Variants in PRUNE1 observed in about 807,000 individuals in gnomAD.
PRUNE1 encodes exopolyphosphatase PRUNE1.
Under a neutral mutation model 42.5 loss-of-function variants are expected in PRUNE1, and 25 were observed. That is an observed-to-expected ratio of 0.59 (90% CI 0.43 to 0.82). The LOEUF (loss-of-function observed/expected upper bound fraction) is 0.82, where lower values mean the gene tolerates loss of function less well. Ranked by LOEUF, PRUNE1 falls within the 40% of genes least tolerant of loss-of-function variation. The probability of loss-of-function intolerance (pLI) is 0.00; values close to 1 mark genes in which losing one functional copy is unlikely to be tolerated. For synonymous variants in PRUNE1, 203 were observed against 217.1 expected (o/e 0.93, Z 0.57); for missense variants, 443 against 539.3 (o/e 0.82, Z 1.77).
At chr1:151,025,280 A>G (rs1674757300) in intron 4 of PRUNE1, among the ~76,000 whole-genome samples, 1 of 152,172 alleles carries the variant, frequency 6.6e-6, no homozygotes, top group African/African-American at 2.4e-5. Flanking sequence ...AAAATCTCCA[A>G]GGTTTGAGAT....
At chr1:151,012,208 G>A (rs1673812967) in intron 1 of PRUNE1, among the ~76,000 whole-genome samples, 2 of 152,126 alleles carry the variant, frequency 1.3e-5, no homozygotes, top group Admixed American at 1.3e-4. Flanking sequence ...TATTTTCCCT[G>A]AACTCTTTCT....
Position 151,028,911 on chromosome 1 carries a change from T to C in PRUNE1, c.900T>C (p.Ala300=), listed in dbSNP as rs757615081. 1 of 1,613,892 alleles carries C rather than the reference T, an allele frequency of 6.2e-7. No individual in the cohort carries two copies. Among genetic ancestry groups the C allele is most frequent in the Non-Finnish European group, 8.5e-7 (1 of 1,179,790 alleles). ...ACAATGAGCCAGTGCGGCAGTTGGC[T>C]ATTTTCTGTCCCCATGTGGCACTCC... ...NTHNEPVRQL[A]IFCPHVALQT... The change falls in exon 7 of 8, where the codon GCT becomes GCC. Residue 300 remains alanine (A), a synonymous_variant. Coordinates refer to ENST00000271620, the MANE Select transcript of PRUNE1 (RefSeq NM_021222.3).
At chr1:151,027,047 A>G (rs1256605583) in intron 5 of PRUNE1, among the ~76,000 whole-genome samples, 186 bp from the exon 6 acceptor site, 2 of 151,628 alleles carry the variant, frequency 1.3e-5, no homozygotes, top group African/African-American at 2.4e-5. Flanking sequence ...CAGCCTCCCA[A>G]AGTGCTGGGA....
chr1:151,017,563 G>A lies in PRUNE1; in HGVS notation c.40-249G>A, dbSNP rs150825721. 9.2e-5 allele frequency among the ~76,000 whole-genome samples: 14 copies of A among 151,880 alleles called. No individual in the cohort carries two copies. In the South Asian group the frequency reaches 1.2e-3, roughly 14 times the overall value. On this transcript the variant is annotated intron_variant, in intron 1 of 7. Transcript: ENST00000271620. ...AGCCTGTGCAACATGGCAAAATCCCGTCTCTACAAAAAAATACAAAAAATT... is the reference window on the plus strand; with the variant it reads ...AGCCTGTGCAACATGGCAAAATCCCATCTCTACAAAAAAATACAAAAAATT...
chr1:151,015,411 G>A (rs183892275), intron 1 of PRUNE1, among the ~76,000 whole-genome samples: 6 of 149,468 alleles, frequency 4.0e-5, no homozygotes, highest in South Asian at 2.1e-4. Flanking sequence ...TGAGGCGGGC[G>A]GATCACGAGG....
At chr1:151,009,420 C>G (rs1673603008) in intron 1 of PRUNE1, among the ~76,000 whole-genome samples, 1 of 152,128 alleles carries the variant, frequency 6.6e-6, no homozygotes, top group African/African-American at 2.4e-5. Context: ...TGCTTTGTGG[C>G]TTATTTTTGG....
intron 6 of PRUNE1, among the ~76,000 whole-genome samples, chr1:151,027,725 G>A (rs1674945155): frequency 6.6e-6 from 1 of 150,802 alleles, no homozygotes; most frequent in African/African-American, 2.4e-5. Flanking sequence ...GGGTCCACAG[G>A]TGCACACCAC....
intron 3 of PRUNE1, among the ~76,000 whole-genome samples, chr1:151,021,059 A>C (rs1237064824): frequency 1.3e-5 from 2 of 151,466 alleles, no homozygotes; most frequent in Non-Finnish European, 2.9e-5. Flanking sequence ...AGGCAGGAGA[A>C]TCGCTTGAAC....
rs587656245 is a variant in PRUNE1, at chr1:151,020,242, AT to A, written c.335+1574del. 3.4e-3 allele frequency among the ~76,000 whole-genome samples: 507 copies of A among 148,894 alleles called. 2 individuals are homozygous for A. The highest frequency in any genetic ancestry group is 7.5e-3 in the South Asian group (35 of 4,684). On this transcript the variant is annotated intron_variant, in intron 3 of 7. Coordinates refer to ENST00000271620, the MANE Select transcript of PRUNE1 (RefSeq NM_021222.3). ...GCGAGACCCTGTTCTCTAAAAAAAA[AT>A]AATAAATACAAAAATCTATAAACAT... is the stretch of plus-strand genomic sequence containing the variant.
intron 7 of PRUNE1, among the ~76,000 whole-genome samples, chr1:151,029,695 CAA>C (rs1256355402): frequency 6.6e-6 from 1 of 150,756 alleles, no homozygotes; most frequent in African/African-American, 2.4e-5. Context: ...CCAGCCTGGG[CAA>C]AGATAGCAAG....
chr1:151,021,101 C>T (rs1245049235), intron 3 of PRUNE1, among the ~76,000 whole-genome samples: 24 of 145,006 alleles, frequency 1.7e-4, no homozygotes, highest in African/African-American at 5.7e-4. Context: ...GAGCCAAGAT[C>T]GCGCCACTGC....
At chr1:151,026,887 T>C (rs921926685) in intron 5 of PRUNE1, among the ~76,000 whole-genome samples, 6 of 148,476 alleles carry the variant, frequency 4.0e-5, no homozygotes, top group Admixed American at 2.7e-4. Context: ...CAGGTTCAAG[T>C]GATTCTCCTG....
intron 3 of PRUNE1, chr1:151,022,596 T>G (rs1379779659): frequency 6.6e-6 from 1 of 150,550 alleles, no homozygotes; most frequent in African/African-American, 2.4e-5. Context: ...AATTTTTGTA[T>G]TTTTAGTAGA....
intron 3 of PRUNE1, 26 bp from the exon 4 acceptor site, chr1:151,024,585 C>CT: frequency 6.4e-7 from 1 of 1,572,880 alleles, no homozygotes; most frequent in East Asian, 2.2e-5. Flanking sequence ...CTTTCTTCCT[C>CT]TTTTCCCATA....
In PRUNE1 at chr1:151,028,721, C is replaced by A. The variant is rs1024470201; in HGVS notation, c.775-65C>A. 3.9e-6 allele frequency: 6 copies of A among 1,551,596 alleles called. No homozygotes were observed. The East Asian group carries it at 1.1e-4, about 29-fold the overall frequency. Reference sequence around the variant, plus strand: ...TATAGGCGTAAGCGACCGTGCCCGGCCCAAGGATGTTTTATTGATGATGAT... The same window carrying A: ...TATAGGCGTAAGCGACCGTGCCCGGACCAAGGATGTTTTATTGATGATGAT... On this transcript the variant is annotated intron_variant, in intron 6 of 7. Coordinates refer to ENST00000271620, the MANE Select transcript of PRUNE1 (RefSeq NM_021222.3).
In PRUNE1 at chr1:151,035,177, T is replaced by C. The variant is rs1268669587; in HGVS notation, c.*943T>C. On this transcript the variant is annotated 3_prime_UTR_variant, in exon 8 of 8. Coordinates refer to ENST00000271620, the MANE Select transcript of PRUNE1 (RefSeq NM_021222.3). Reference sequence around the variant, plus strand: ...ACTACTCCAGGTCTCACTTTCCCCATCTGTAAAACAGGGTTTGGACTAGGT... The same window carrying C: ...ACTACTCCAGGTCTCACTTTCCCCACCTGTAAAACAGGGTTTGGACTAGGT... 2.6e-5 allele frequency: 4 copies of C among 152,238 alleles called. No individual in the cohort carries two copies. The highest frequency in any genetic ancestry group is 4.8e-5 in the African/African-American group (2 of 41,454). 9.4% of individuals were successfully genotyped at this position (152,238 alleles called of 1,614,324 possible). A position where few individuals can be genotyped will look rare whatever the true frequency, so the allele number is the denominator to read the frequency against.
rs587613802 is a variant in PRUNE1 at position 151,033,453 on chromosome 1, C to T, written c.934-353C>T. On this transcript the variant is annotated intron_variant, in intron 7 of 7. Coordinates refer to ENST00000271620, the MANE Select transcript of PRUNE1 (RefSeq NM_021222.3). ...TCGCCCAGGCTGGAGTGCAGTGGCG[C>T]GATCTCCGCTCACTGCAAGCTCCGC... Among the ~76,000 whole-genome samples the T allele has an allele frequency of 1.5e-4, 22 of 145,830 alleles. No individual in the cohort carries two copies. In the South Asian group the frequency reaches 3.7e-3, roughly 24 times the overall value.
In PRUNE1 at chr1:151,018,520, A is replaced by C. The variant is rs1345010536; in HGVS notation, c.186A>C (p.Glu62Asp). 6.8e-6 allele frequency: 11 copies of C among 1,613,774 alleles called. No individual in the cohort carries two copies. The highest frequency in any genetic ancestry group is 8.5e-6 in the Non-Finnish European group (10 of 1,179,666). Residue 62 changes from glutamate (E) to aspartate (D), a missense_variant, in exon 3 of 8, where the codon GAA becomes GAC. Glu to Asp is a conservative substitution (Grantham distance 45). Transcript: ENST00000271620. ...CAGTTTTAAATATAAAACGTTCTGA[A>C]CTACCTCTGCGAGGTGACATTGTCT... is the stretch of plus-strand genomic sequence containing the variant. ...FVPVLNIKRS[E>D]LPLRGDIVFF...
At chr1:151,017,420 T>C (rs1238726054) in intron 1 of PRUNE1, among the ~76,000 whole-genome samples, 2 of 152,114 alleles carry the variant, frequency 1.3e-5, no homozygotes. Context: ...TCTGTGAAGA[T>C]CAATGAGAGG....
Sources: gnomAD v4.1 joint callset for allele counts (sites outside exome capture counted in the v4.1 genomes callset) on GRCh38, gnomAD v4.1.1 for gene constraint, MANE v1.5 for transcripts, NCBI Gene and HGNC (gene_info 2026-07-23, HGNC 2026-07-21) for gene names.